LUZP2: variants seen among roughly 807,000 people sequenced by gnomAD.
LUZP2 encodes leucine zipper protein 2.
Under a neutral mutation model 51.6 loss-of-function variants are expected in LUZP2, and 52 were observed. The ratio of observed to expected loss-of-function variants is 1.01; its 90% CI spans 0.81 to 1.27. LUZP2 has a LOEUF of 1.27. Ranked by LOEUF, LUZP2 falls within the 50% of genes most tolerant of loss-of-function variation. The pLI, the probability that LUZP2 is intolerant of heterozygous loss-of-function variation, is 0.00. For synonymous variants in LUZP2, 154 were observed against 137.3 expected, an observed-to-expected ratio of 1.12 and a Z score of -0.85; for missense variants, 436 against 395.4, an observed-to-expected ratio of 1.10 and a Z score of -0.87.
At chr11:24,881,194 A>G (rs1386229) in intron 5 of LUZP2, among the ~76,000 whole-genome samples, 73,870 of 151,970 alleles carry the variant, frequency 0.49, 18,418 homozygotes, top group East Asian at 0.69. Context: ...ACAAGCCAGT[A>G]CATTTAAAGT....
At chr11:24,869,538 C>A (rs1350564653) in intron 5 of LUZP2, among the ~76,000 whole-genome samples, 1 of 151,980 alleles carries the variant, frequency 6.6e-6, no homozygotes, top group African/African-American at 2.4e-5. Flanking sequence ...CTCATTGTAA[C>A]CTCTGCCTTC....
chr11:24,750,167 T>G (rs1286659369), intron 4 of LUZP2, among the ~76,000 whole-genome samples: 1 of 152,170 alleles, frequency 6.6e-6, no homozygotes, highest in African/African-American at 2.4e-5. Flanking sequence ...GAAAATAGAT[T>G]GTTATCCCTT....
At position 24,879,538 on chromosome 11, in the gene LUZP2, A is replaced by G. The variant is rs151057289; in HGVS notation, c.397-26453A>G. Among the ~76,000 whole-genome samples the G allele has an allele frequency of 2.7e-3, 409 of 152,272 alleles. 1 individual carries two copies. Among genetic ancestry groups the G allele is most frequent in the African/African-American group, 9.4e-3 (389 of 41,564 alleles). The stretch of plus-strand genomic sequence containing the variant: ...GAACTAATTTACATTCCCACCAGCC[A>G]TGTAAAAGCATTCCTATTTCTCCAC... On this transcript the variant is annotated intron_variant, in intron 5 of 11. Transcript: ENST00000336930.
intron 3 of LUZP2, among the ~76,000 whole-genome samples, chr11:24,733,906 G>A (rs1236991761): frequency 6.6e-6 from 1 of 151,628 alleles, no homozygotes; most frequent in African/African-American, 2.4e-5. Context: ...GAGAGACTGA[G>A]GAAGATATAG....
At chr11:24,633,958 G>GTA (rs534303582) in intron 1 of LUZP2, among the ~76,000 whole-genome samples, 64 of 135,014 alleles carry the variant, frequency 4.7e-4, no homozygotes, top group African/African-American at 9.9e-4. Flanking sequence ...GTGTGTGTGT[G>GTA]TGTGTGTATA....
intron 1 of LUZP2, among the ~76,000 whole-genome samples, chr11:24,504,753 G>T (rs554912195): frequency 5.3e-5 from 8 of 151,150 alleles, no homozygotes; most frequent in African/African-American, 1.9e-4. Context: ...TAATTTCATA[G>T]TTCTAGACTA....
chr11:24,797,309 C>G (rs909532757), intron 5 of LUZP2, among the ~76,000 whole-genome samples: 2 of 152,068 alleles, frequency 1.3e-5, no homozygotes, highest in Non-Finnish European at 2.9e-5. Context: ...ATCCAAGGGT[C>G]GTAGAAATTC....
chr11:24,824,875 A>G (rs952977111), intron 5 of LUZP2, among the ~76,000 whole-genome samples: 2 of 152,200 alleles, frequency 1.3e-5, no homozygotes, highest in African/African-American at 4.8e-5. Flanking sequence ...AAAATAAATT[A>G]CAATCCATGT....
Position 24,926,903 on chromosome 11 carries a change from AT to A in LUZP2, c.522+12375del, listed in dbSNP as rs528047556. ...TTTCACCACATTCACACCAACAACT[AT>A]TTTTTTTTTATTTTTTGATTATGAC... On this transcript the variant is annotated intron_variant, in intron 7 of 11. Transcript: ENST00000336930. 5.9e-4 allele frequency among the ~76,000 whole-genome samples: 86 copies of A among 146,852 alleles called. 1 individual carries two copies. The highest frequency in any genetic ancestry group is 1.4e-4 in the Admixed American group (2 of 14,708).
chr11:24,594,553 C>T (rs1565014644), intron 1 of LUZP2, among the ~76,000 whole-genome samples: 1 of 152,112 alleles, frequency 6.6e-6, no homozygotes, highest in Non-Finnish European at 1.5e-5. Flanking sequence ...CTCTCTCTTA[C>T]TTAACATACC....
At chr11:24,995,924 T>A (rs893231961) in intron 9 of LUZP2, among the ~76,000 whole-genome samples, 1 of 151,630 alleles carries the variant, frequency 6.6e-6, no homozygotes, top group Non-Finnish European at 1.5e-5. Flanking sequence ...TGACCCAATC[T>A]TTTTTTTCTA....
rs538498916 is a variant in LUZP2, at chr11:25,030,347, A to C, written c.766-19691A>C. Among the ~76,000 whole-genome samples, 65 of 152,194 alleles carry C rather than the reference A, an allele frequency of 4.3e-4. 1 individual carries two copies. In the South Asian group the frequency reaches 0.013, roughly 30 times the overall value. On this transcript the variant is annotated intron_variant, in intron 9 of 11. Transcript: ENST00000336930. ...AATTTATTTCTCTATTCTCCTATTGATAGAAAGGATAATTCAGCTTTTGCT... is the reference window on the plus strand; with the variant it reads ...AATTTATTTCTCTATTCTCCTATTGCTAGAAAGGATAATTCAGCTTTTGCT...
At chr11:24,981,926 C>T (rs2133912462) in intron 8 of LUZP2, among the ~76,000 whole-genome samples, 1 of 113,452 alleles carries the variant, frequency 8.8e-6, no homozygotes, top group South Asian at 3.8e-4. Context: ...AACAAACAAC[C>T]TCATTAAAAA....
chr11:24,726,022 G>A (rs553247925), intron 1 of LUZP2, among the ~76,000 whole-genome samples: 1 of 152,076 alleles, frequency 6.6e-6, no homozygotes, highest in East Asian at 1.9e-4. Context: ...ACTTGATTTT[G>A]GATTTCTAGC....
At chr11:24,660,881 G>A (rs1014247167) in intron 1 of LUZP2, among the ~76,000 whole-genome samples, 4 of 151,956 alleles carry the variant, frequency 2.6e-5, no homozygotes, top group Non-Finnish European at 4.4e-5. Flanking sequence ...CTTATATAAT[G>A]ACTTAAATTG....
chr11:24,798,533 G>C (rs993316363), intron 5 of LUZP2, among the ~76,000 whole-genome samples: 3 of 152,114 alleles, frequency 2.0e-5, no homozygotes, highest in Non-Finnish European at 4.4e-5. Flanking sequence ...CAATATATTT[G>C]CGCCACAAGG....
intron 1 of LUZP2, among the ~76,000 whole-genome samples, chr11:24,560,340 G>A (rs1851998749): frequency 6.6e-6 from 1 of 152,112 alleles, no homozygotes; most frequent in South Asian, 2.1e-4. Flanking sequence ...AAAACATATT[G>A]TATAAAGCAA....
chr11:24,711,231 C>T (rs555729722), intron 1 of LUZP2, among the ~76,000 whole-genome samples: 2 of 152,048 alleles, frequency 1.3e-5, no homozygotes, highest in South Asian at 2.1e-4. Context: ...GGGCGGATCA[C>T]GAGGTCAGGA....
At chr11:24,561,003 G>A (rs1165767984) in intron 1 of LUZP2, among the ~76,000 whole-genome samples, 1 of 152,084 alleles carries the variant, frequency 6.6e-6, no homozygotes, top group African/African-American at 2.4e-5. Context: ...CTGGAGTAGA[G>A]ACATTTTTCC....
Sources: gnomAD v4.1 joint callset for allele counts (sites outside exome capture counted in the v4.1 genomes callset) on GRCh38, gnomAD v4.1.1 for gene constraint, MANE v1.5 for transcripts, NCBI Gene and HGNC (gene_info 2026-07-23, HGNC 2026-07-21) for gene names.